FAM9B: variants seen among roughly 807,000 people sequenced by gnomAD.
FAM9B encodes the protein family with sequence similarity 9 member B, also known as protein FAM9B.
In FAM9B, 18 loss-of-function variants were observed where a neutral mutation model predicts 16.6. The ratio of observed to expected loss-of-function variants is 1.09; its 90% CI spans 0.75 to 1.61. The LOEUF (loss-of-function observed/expected upper bound fraction) is 1.61. Among genes scored for constraint, FAM9B ranks in the 40% most tolerant of loss-of-function variants. FAM9B has a pLI of 0.00. For missense variants in FAM9B, 155 were observed against 136.0 expected, an observed-to-expected ratio of 1.14 and a Z score of -0.70; for synonymous variants, 43 against 42.6, an observed-to-expected ratio of 1.01 and a Z score of -0.03.
At position 9,033,068 on chromosome X, in the gene FAM9B, C is replaced by T. The variant is rs753141625; in HGVS notation, c.-82G>A. 3 of 1,210,252 alleles carry T rather than the reference C, an allele frequency of 2.5e-6. No homozygotes were observed. Among genetic ancestry groups the T allele is most frequent in the South Asian group, 1.8e-5 (1 of 56,711 alleles). ...GTTGTCCTGGGAAGCTAGAGGCGAT[C>T]CCCGAACCTGGTGAGCGCAAAGACA... is the stretch of plus-strand genomic sequence containing the variant. On this transcript the variant is annotated 5_prime_UTR_variant, in exon 2 of 9. Coordinates refer to ENST00000327220, the MANE Select transcript of FAM9B (RefSeq NM_205849.3).
chrX:9,032,237 T>C (rs1468427918), intron 3 of FAM9B, 76 bp from the exon 4 acceptor site: 1 of 1,194,047 alleles, frequency 8.4e-7, no homozygotes, highest in African/African-American at 1.8e-5. Context: ...AGAAATGTCT[T>C]ATGTGAAATG....
chrX:9,033,719 G>GCCCTGA (rs1569139474), intron 1 of FAM9B, 133 bp downstream of exon 1: 2 of 326,043 alleles, frequency 6.1e-6, no homozygotes, highest in African/African-American at 1.2e-4. Flanking sequence ...TCAGGGCCTC[G>GCCCTGA]CCCTGACCCA....
At chrX:9,028,207 A>G (rs1221537195) in intron 6 of FAM9B, among the ~76,000 whole-genome samples, 3 of 112,048 alleles carry the variant, frequency 2.7e-5, no homozygotes, top group Non-Finnish European at 5.6e-5. Context: ...CATTCAACAC[A>G]TATGTCCTAA....
In FAM9B at chrX:9,029,388, C is replaced by G; in HGVS notation, c.312G>C (p.Lys104Asn). Residue 104 changes from lysine to asparagine, a missense_variant, in exon 6 of 9, where the codon AAG becomes AAC. Lys to Asn is a moderately conservative substitution (Grantham distance 94, BLOSUM62 0). Coordinates refer to ENST00000327220, the MANE Select transcript of FAM9B (RefSeq NM_205849.3). ...TGTATTCTTCAAGGACATTTAGCAA[C>G]TTCAGAGAATGTATATAATCACGTT... ...RQKRDYIHSL[K>N]LLNVLEEYIT... 1 of 1,206,176 alleles carries G rather than the reference C, an allele frequency of 8.3e-7. No homozygotes were observed. The highest frequency in any genetic ancestry group is 1.7e-5 in the African/African-American group (1 of 57,751).
In FAM9B at chrX:9,027,917, C is replaced by G. The variant is rs774423037; in HGVS notation, c.443G>C (p.Arg148Thr). The stretch of plus-strand genomic sequence containing the variant: ...CTTCATCTCTTTCAGCCTCTCTCTC[C>G]TAACACTTCTATATTGTTGCCACTT... ...QKKWQQYRSV[R>T]RERLKEMKLL... The change falls in exon 7 of 9, where the codon AGG (arginine) becomes ACG (threonine). Residue 148 changes from arginine (R) to threonine (T), a missense_variant. By Grantham distance (71) the Arg-to-Thr change is moderately conservative. Transcript: ENST00000327220. 3.3e-6 allele frequency: 4 copies of G among 1,209,138 alleles called. No individual in the cohort carries two copies. The African/African-American group carries it at 7.0e-5, about 21-fold the overall frequency.
rs200052167 is a variant in FAM9B, at chrX:9,027,858, T to C, written c.492+10A>G. ...TTTTATAATGTATTATGTTACCAAA[T>C]AGAACAGACCTTTACGAATTGGTCA... is the stretch of plus-strand genomic sequence containing the variant. On this transcript the variant is annotated intron_variant, in intron 7 of 8. Coordinates refer to ENST00000327220, the MANE Select transcript of FAM9B (RefSeq NM_205849.3). The C allele has an allele frequency of 2.6e-3, 3,085 of 1,187,359 alleles. 2 individuals are homozygous for C. The highest frequency in any genetic ancestry group is 3.3e-3 in the Non-Finnish European group (2,902 of 874,658).
intron 1 of FAM9B, 112 bp downstream of exon 1, chrX:9,033,740 G>A (rs1214280734): frequency 5.5e-6 from 4 of 728,986 alleles, no homozygotes; most frequent in African/African-American, 2.7e-5. Flanking sequence ...GGCCCCAGGC[G>A]ACGACGCTGG....
At chrX:9,032,060 T>C in intron 4 of FAM9B, 70 bp downstream of exon 4, 2 of 1,012,376 alleles carry the variant, frequency 2.0e-6, no homozygotes, top group Non-Finnish European at 1.4e-6. Context: ...CACTAATTCA[T>C]ATAACCTACT....
chrX:9,031,953 A>C, intron 4 of FAM9B, 177 bp downstream of exon 4: 1 of 409,589 alleles, frequency 2.4e-6, no homozygotes, highest in Non-Finnish European at 4.2e-6. Flanking sequence ...TTCCACATCA[A>C]CAATCAAAAA....
chrX:9,030,148 A>G, intron 5 of FAM9B, 113 bp downstream of exon 5: 1 of 1,146,046 alleles, frequency 8.7e-7, no homozygotes, highest in African/African-American at 1.8e-5. Flanking sequence ...CAAGTAAAAT[A>G]TGTTGTTCAC....
At chrX:9,030,003 CATTA>C in intron 5 of FAM9B, 1 of 435,259 alleles carries the variant, frequency 2.3e-6, no homozygotes, top group Non-Finnish European at 3.9e-6. Flanking sequence ...AATGGATAAA[CATTA>C]ATTTTACAAG....
chrX:9,029,115 C>T (rs964517243), intron 6 of FAM9B, among the ~76,000 whole-genome samples, 192 bp downstream of exon 6: 4 of 111,877 alleles, frequency 3.6e-5, no homozygotes, highest in African/African-American at 1.3e-4. Context: ...ACTTCTTCAT[C>T]GTTATGATGC....
At chrX:9,029,056 C>T (rs1920997832) in intron 6 of FAM9B, among the ~76,000 whole-genome samples, 1 of 111,905 alleles carries the variant, frequency 8.9e-6, no homozygotes, top group Admixed American at 9.6e-5. Flanking sequence ...CCAGGAAATT[C>T]CAACCCTACA....
chrX:9,028,650 A>G (rs1327632579), intron 6 of FAM9B, among the ~76,000 whole-genome samples: 1 of 111,869 alleles, frequency 8.9e-6, no homozygotes, highest in African/African-American at 3.2e-5. Context: ...CGTAGATAAG[A>G]TAATTTGCCC....
chrX:9,032,511 T>C (rs759528063), intron 2 of FAM9B, 50 bp from the exon 3 acceptor site: 5 of 995,992 alleles, frequency 5.0e-6, no homozygotes, highest in Non-Finnish European at 6.5e-6. Context: ...GATGCTGCTG[T>C]GGACATTTTT....
At position 9,033,681 on chromosome X, in the gene FAM9B, G is replaced by GGCCCC; in HGVS notation, c.-90+170_-90+171insGGGGC. Reference sequence around the variant, plus strand: ...CAGCTCCAGCTCCCTCCCTGCCCTGGCCCACCCCAGCCCACCCTAGCCCAC... The same window carrying GGCCCC: ...CAGCTCCAGCTCCCTCCCTGCCCTGGGCCCCCCCACCCCAGCCCACCCTAGCCCAC... On this transcript the variant is annotated intron_variant, in intron 1 of 8. Coordinates refer to ENST00000327220, the MANE Select transcript of FAM9B (RefSeq NM_205849.3). 458 of 147,713 alleles carry GGCCCC rather than the reference G, an allele frequency of 3.1e-3. 42 individuals are homozygous for GGCCCC. The highest frequency in any genetic ancestry group is 4.5e-3 in the Non-Finnish European group (414 of 92,116). The allele number at this position is 147,713 out of a possible 1,213,427, so 12.2% of individuals were successfully genotyped here.
At position 9,024,595 on chromosome X, in the gene FAM9B, A is replaced by AT. The variant is rs1390771266; in HGVS notation, c.*813dup. The stretch of plus-strand genomic sequence containing the variant: ...TTTGATATGGCCATAGAGTATATCT[A>AT]TTTTTTGAAGTCCTACTTTCATTGG... On this transcript the variant is annotated 3_prime_UTR_variant, in exon 9 of 9. Coordinates refer to ENST00000327220, the MANE Select transcript of FAM9B (RefSeq NM_205849.3). 8.9e-6 allele frequency: 1 copy of AT among 111,789 alleles called. No homozygotes were observed. Among genetic ancestry groups the AT allele is most frequent in the Non-Finnish European group, 1.9e-5 (1 of 53,185 alleles). The allele number at this position is 111,789 out of a possible 1,213,427, so 9.2% of individuals were successfully genotyped here.
chrX:9,026,875 T>C (rs778642907), intron 7 of FAM9B, among the ~76,000 whole-genome samples: 161 of 111,761 alleles, frequency 1.4e-3, no homozygotes, highest in South Asian at 3.7e-3. Context: ...GTAACTTCTA[T>C]TTAAATAACT....
Position 9,024,659 on chromosome X carries a change from G to C in FAM9B, c.*750C>G, listed in dbSNP as rs768465435. On this transcript the variant is annotated 3_prime_UTR_variant, in exon 9 of 9. Transcript: ENST00000327220. ...TCCTAATGAGTAAATACAAAAGAAC[G>C]CACAGATAAGATAGCTTTTGTCTTC... The C allele has an allele frequency of 9.0e-6, 1 of 111,538 alleles. No individual in the cohort carries two copies. Among genetic ancestry groups the C allele is most frequent in the Non-Finnish European group, 1.9e-5 (1 of 53,053 alleles). The allele number at this position is 111,538 out of a possible 1,213,427, so 9.2% of individuals were successfully genotyped here.
Sources: allele counts gnomAD v4.1 joint callset (sites outside exome capture counted in the v4.1 genomes callset), GRCh38; gene constraint gnomAD v4.1.1; transcripts MANE v1.5; gene names NCBI Gene and HGNC (gene_info 2026-07-23, HGNC 2026-07-21).